LPAR1: variants seen among roughly 807,000 people sequenced by gnomAD.
The protein encoded by LPAR1 is LPA receptor 1.
In LPAR1, 5 loss-of-function variants were observed where a neutral mutation model predicts 23.8. That is an observed-to-expected ratio of 0.21 (90% CI 0.11 to 0.44). LPAR1 has a LOEUF of 0.44. LPAR1 is among the 20% of genes least tolerant of loss of function. LPAR1 has a pLI of 0.99. For missense variants in LPAR1, 311 were observed against 482.8 expected (o/e 0.64, Z 3.33); for synonymous variants, 160 against 164.7 (o/e 0.97, Z 0.22).
intron 4 of LPAR1, among the ~76,000 whole-genome samples, chr9:110,961,148 C>T (rs546234287): frequency 1.3e-5 from 2 of 150,424 alleles, no homozygotes; most frequent in East Asian, 3.9e-4. Flanking sequence ...TAAACTTATA[C>T]AATTTTTAAA....
chr9:110,953,325 G>A lies in LPAR1; in HGVS notation c.46-11157C>T, dbSNP rs937395513. On this transcript the variant is annotated intron_variant, in intron 4 of 5. Transcript: ENST00000683809. ...ACATCCCCGGCCCCAGCAAACCTTT[G>A]CCACAGCCTCCACAACCAACCACAC... 2.0e-5 allele frequency among the ~76,000 whole-genome samples: 3 copies of A among 152,088 alleles called. No homozygotes were observed. The East Asian group carries it at 5.8e-4, about 29-fold the overall frequency.
At chr9:110,929,752 C>A (rs1019070110) in intron 5 of LPAR1, among the ~76,000 whole-genome samples, 1 of 142,336 alleles carries the variant, frequency 7.0e-6, no homozygotes, top group Non-Finnish European at 1.5e-5. Flanking sequence ...GTTATAGTTG[C>A]CAGATAAAAC....
intron 4 of LPAR1, among the ~76,000 whole-genome samples, chr9:110,971,732 C>T (rs536779959): frequency 6.6e-6 from 1 of 151,108 alleles, no homozygotes; most frequent in Admixed American, 6.6e-5. Flanking sequence ...CACCCCACCC[C>T]CCGGCCCACA....
chr9:110,882,358 T>C (rs2081113570), intron 5 of LPAR1, among the ~76,000 whole-genome samples: 1 of 152,198 alleles, frequency 6.6e-6, no homozygotes, highest in Admixed American at 6.5e-5. Flanking sequence ...TAGCAAGTCA[T>C]AGCTAAGCGC....
At chr9:110,987,909 G>A (rs2096821370) in intron 2 of LPAR1, among the ~76,000 whole-genome samples, 1 of 151,696 alleles carries the variant, frequency 6.6e-6, no homozygotes, top group Non-Finnish European at 1.5e-5. Context: ...TGAAGCATGA[G>A]CACAGGAAAC....
intron 5 of LPAR1, among the ~76,000 whole-genome samples, chr9:110,895,165 C>G (rs191176761): frequency 1.5e-3 from 223 of 152,270 alleles, no homozygotes; most frequent in African/African-American, 5.3e-3. Context: ...TAGAGGGGAA[C>G]AATTTCTAAG....
At chr9:111,009,057 T>C (rs2140464798) in intron 2 of LPAR1, among the ~76,000 whole-genome samples, 1 of 152,228 alleles carries the variant, frequency 6.6e-6, no homozygotes, top group East Asian at 1.9e-4. Flanking sequence ...GATACTGGGA[T>C]TATCCAATAC....
intron 5 of LPAR1, among the ~76,000 whole-genome samples, chr9:110,878,565 C>T (rs1305745030): frequency 6.6e-6 from 1 of 152,170 alleles, no homozygotes; most frequent in African/African-American, 2.4e-5. Flanking sequence ...AACATGTAAT[C>T]TACAGAGAGT....
intron 2 of LPAR1, among the ~76,000 whole-genome samples, chr9:111,004,774 T>C (rs190005520): frequency 1.5e-4 from 23 of 152,314 alleles, no homozygotes; most frequent in African/African-American, 5.5e-4. Context: ...ATCTTATCCA[T>C]ACCAATCAAT....
intron 5 of LPAR1, among the ~76,000 whole-genome samples, chr9:110,907,492 T>C (rs377566730): frequency 6.6e-6 from 1 of 152,196 alleles, no homozygotes; most frequent in Non-Finnish European, 1.5e-5. Context: ...ATAATCAGAC[T>C]GACCCCCGAC....
chr9:110,897,804 G>T (rs1485582271), intron 5 of LPAR1, among the ~76,000 whole-genome samples: 4 of 140,172 alleles, frequency 2.9e-5, no homozygotes, highest in African/African-American at 1.2e-4. Flanking sequence ...CTAAAATAAG[G>T]CCTTTGATTT....
intron 2 of LPAR1, among the ~76,000 whole-genome samples, chr9:110,980,599 T>G (rs534043020): frequency 6.6e-6 from 1 of 151,702 alleles, no homozygotes; most frequent in African/African-American, 2.4e-5. Flanking sequence ...GAGAGTAGGA[T>G]AGTGCTTACT....
intron 5 of LPAR1, among the ~76,000 whole-genome samples, chr9:110,892,374 G>C (rs10817106): frequency 0.18 from 27,435 of 152,036 alleles, 2,809 homozygotes; most frequent in Admixed American, 0.25. Context: ...TAGAAAGTAG[G>C]TCATAGCTCA....
chr9:110,990,094 G>C (rs759768630), intron 2 of LPAR1, among the ~76,000 whole-genome samples: 1 of 152,010 alleles, frequency 6.6e-6, no homozygotes, highest in African/African-American at 2.4e-5. Flanking sequence ...TCTAATTACA[G>C]ATTTTTGAAA....
chr9:110,963,487 C>T (rs1316163243), intron 4 of LPAR1, among the ~76,000 whole-genome samples: 1 of 151,992 alleles, frequency 6.6e-6, no homozygotes, highest in Non-Finnish European at 1.5e-5. Flanking sequence ...TCTGGCATAC[C>T]ACATACACAG....
At chr9:111,031,039 C>A (rs577557386) in intron 2 of LPAR1, among the ~76,000 whole-genome samples, 37 of 152,188 alleles carry the variant, frequency 2.4e-4, no homozygotes, top group African/African-American at 7.7e-4. Flanking sequence ...GGCTATGGAA[C>A]AAACTGATAT....
At chr9:110,978,794 CGA>C (rs2096611069) in intron 2 of LPAR1, among the ~76,000 whole-genome samples, 1 of 152,066 alleles carries the variant, frequency 6.6e-6, no homozygotes, top group Non-Finnish European at 1.5e-5. Context: ...ATAGTAACAT[CGA>C]GAAGAATATA....
At chr9:111,032,275 T>A (rs1302888467) in intron 2 of LPAR1, among the ~76,000 whole-genome samples, 1 of 152,166 alleles carries the variant, frequency 6.6e-6, no homozygotes, top group African/African-American at 2.4e-5. Flanking sequence ...AGGCTTGGTT[T>A]ATCTCCCAGG....
chr9:110,924,063 C>T (rs1307405913), intron 5 of LPAR1, among the ~76,000 whole-genome samples: 1 of 151,844 alleles, frequency 6.6e-6, no homozygotes, highest in African/African-American at 2.4e-5. Flanking sequence ...ATGGTTGTAA[C>T]ATAGTGCCAC....
Sources: gnomAD v4.1 joint callset for allele counts (sites outside exome capture counted in the v4.1 genomes callset) on GRCh38, gnomAD v4.1.1 for gene constraint, MANE v1.5 for transcripts, NCBI Gene and HGNC (gene_info 2026-07-23, HGNC 2026-07-21) for gene names.